EBF4: variants seen among roughly 807,000 people sequenced by gnomAD.
EBF4 encodes EBF transcription factor 4.
A neutral mutation model predicts 67.1 loss-of-function variants in EBF4; 34 were observed. That is an observed-to-expected ratio of 0.51 (90% CI 0.39 to 0.67). The LOEUF (loss-of-function observed/expected upper bound fraction) is 0.67. Ranked by LOEUF, EBF4 falls within the 30% of genes least tolerant of loss-of-function variation. The pLI, the probability that EBF4 is intolerant of heterozygous loss-of-function variation, is 0.00. For missense variants in EBF4, 837 were observed against 873.3 expected, an observed-to-expected ratio of 0.96 and a Z score of 0.52; for synonymous variants, 387 against 377.7, an observed-to-expected ratio of 1.02 and a Z score of -0.29.
intron 6 of EBF4, 42 bp downstream of exon 6, chr20:2,709,684 G>GT: frequency 6.7e-7 from 1 of 1,487,196 alleles, no homozygotes; most frequent in Non-Finnish European, 9.0e-7. Context: ...AGAGGAGAGT[G>GT]GGGGAGGGGC....
intron 6 of EBF4, among the ~76,000 whole-genome samples, chr20:2,731,008 C>T (rs937904813): frequency 6.6e-6 from 1 of 152,318 alleles, no homozygotes; most frequent in Admixed American, 6.5e-5. Flanking sequence ...AAGCAATTCT[C>T]CTGCCTCAGC....
chr20:2,706,506 A>C (rs2087461559), intron 4 of EBF4, among the ~76,000 whole-genome samples: 1 of 152,192 alleles, frequency 6.6e-6, no homozygotes, highest in African/African-American at 2.4e-5. Context: ...CTAGCAGCCC[A>C]GCCTTAGATG....
chr20:2,750,510 G>A (rs1332425731), intron 10 of EBF4, among the ~76,000 whole-genome samples: 1 of 151,988 alleles, frequency 6.6e-6, no homozygotes, highest in African/African-American at 2.4e-5. Flanking sequence ...CCCCCAGCCT[G>A]GCTCTATTTG....
At chr20:2,705,016 G>A (rs2087431009) in intron 1 of EBF4, among the ~76,000 whole-genome samples, 1 of 152,262 alleles carries the variant, frequency 6.6e-6, no homozygotes, top group South Asian at 2.1e-4. Context: ...CTTTGGGGGT[G>A]CTCCCTACCT....
intron 1 of EBF4, among the ~76,000 whole-genome samples, chr20:2,698,269 C>T (rs1204197638): frequency 6.6e-6 from 1 of 152,256 alleles, no homozygotes; most frequent in Non-Finnish European, 1.5e-5. Flanking sequence ...CCTCCCCAGA[C>T]CCAAACCTCA....
intron 15 of EBF4, among the ~76,000 whole-genome samples, chr20:2,758,154 G>A (rs1482537505): frequency 1.3e-5 from 2 of 152,184 alleles, no homozygotes. Flanking sequence ...ACCTTCCTCT[G>A]GGGACTGTCT....
chr20:2,730,786 T>C (rs1472342542), intron 6 of EBF4, among the ~76,000 whole-genome samples: 1 of 152,376 alleles, frequency 6.6e-6, no homozygotes, highest in East Asian at 1.9e-4. Context: ...GCAGCTCTGC[T>C]GGTAGAAAGC....
Position 2,758,903 on chromosome 20 carries a change from C to T in EBF4, c.1739-6C>T. On this transcript the variant is annotated splice_polypyrimidine_tract_variant and splice_region_variant and intron_variant, in intron 15 of 16. Coordinates refer to ENST00000609451, the Ensembl canonical transcript of EBF4. ...CTTATGGCTCCTTTTTCCTTGACTA[C>T]TGCAGACCAGTCTTTTGAGGATTCT... The T allele has an allele frequency of 6.4e-7, 1 of 1,551,748 alleles. No individual in the cohort carries two copies. Among genetic ancestry groups the T allele is most frequent in the Non-Finnish European group, 8.7e-7 (1 of 1,146,986 alleles).
rs1555788986 is a variant in EBF4 at position 2,747,318 on chromosome 20, A to AAAC, written c.558-1229_558-1228insCAA. Reference sequence around the variant, plus strand: ...TCTCAAAACAAAAAACAAAACAAACAAAAAAAAAAAAACAGGAAAAAAAAG... The same window carrying AAAC: ...TCTCAAAACAAAAAACAAAACAAACAAACAAAAAAAAAAAACAGGAAAAAAAAG... On this transcript the variant is annotated intron_variant, in intron 6 of 16. Transcript: ENST00000609451. The surrounding 1 kb of genome is among the most constrained non-coding windows in gnomAD (Gnocchi z 4.6). Among the ~76,000 whole-genome samples, 31 of 99,810 alleles carry AAAC rather than the reference A, an allele frequency of 3.1e-4. No homozygotes were observed. Among genetic ancestry groups the AAAC allele is most frequent in the African/African-American group, 1.3e-3 (29 of 21,964 alleles). The allele number at this position is 99,810 out of a possible 152,430, so 65.5% of individuals were successfully genotyped here.
chr20:2,717,146 A>AT (rs879881958), intron 6 of EBF4, among the ~76,000 whole-genome samples: 10 of 152,090 alleles, frequency 6.6e-5, no homozygotes, highest in African/African-American at 1.2e-4. Flanking sequence ...TAGTTTTATA[A>AT]TTTTTTCAAT....
chr20:2,706,070 C>A, intron 3 of EBF4, 33 bp downstream of exon 3: 1 of 1,548,846 alleles, frequency 6.5e-7, no homozygotes, highest in Non-Finnish European at 8.7e-7. Context: ...CCCAGCCCTG[C>A]CCCTGAAGTC....
At chr20:2,694,426 C>T (rs2087258966) in intron 1 of EBF4, among the ~76,000 whole-genome samples, 1 of 152,256 alleles carries the variant, frequency 6.6e-6, no homozygotes, top group African/African-American at 2.4e-5. Context: ...CCAGCACCCG[C>T]GCCGGTCTCC....
chr20:2,748,721 C>T, intron 7 of EBF4, 91 bp downstream of exon 7: 1 of 1,411,634 alleles, frequency 7.1e-7, no homozygotes, highest in Non-Finnish European at 9.7e-7. Context: ...ACCCTGCCAC[C>T]CTGGGAAAGG....
chr20:2,701,795 G>A (rs2087379469), intron 1 of EBF4, among the ~76,000 whole-genome samples: 1 of 152,226 alleles, frequency 6.6e-6, no homozygotes, highest in Admixed American at 6.5e-5. Flanking sequence ...ACCTGGGAGT[G>A]CTTCACAAAC....
intron 1 of EBF4, among the ~76,000 whole-genome samples, chr20:2,702,213 C>T (rs1600200546): frequency 1.3e-5 from 2 of 152,150 alleles, no homozygotes; most frequent in Non-Finnish European, 1.5e-5. Flanking sequence ...GCAGGAGGAT[C>T]GCTTGAGCCC....
intron 1 of EBF4, among the ~76,000 whole-genome samples, chr20:2,701,104 C>T (rs1328648252): frequency 1.3e-5 from 2 of 152,210 alleles, no homozygotes; most frequent in Non-Finnish European, 2.9e-5. Context: ...TGTTGTTGTC[C>T]ATGGCACGGA....
chr20:2,727,505 T>A (rs191175419), intron 6 of EBF4, among the ~76,000 whole-genome samples: 3 of 152,358 alleles, frequency 2.0e-5, no homozygotes, highest in African/African-American at 4.8e-5. Context: ...CTGTATTTTT[T>A]AATCTGCATT....
chr20:2,710,337 A>C (rs535487771), intron 6 of EBF4, among the ~76,000 whole-genome samples: 1 of 151,868 alleles, frequency 6.6e-6, no homozygotes. Flanking sequence ...TTTTGTAGAG[A>C]CCGGGTTTTG....
chr20:2,733,875 A>T (rs984182210), intron 6 of EBF4, among the ~76,000 whole-genome samples: 1 of 151,974 alleles, frequency 6.6e-6, no homozygotes, highest in Non-Finnish European at 1.5e-5. Context: ...TTGCAGGCTA[A>T]TTCAAAGCCA....
Sources: allele counts gnomAD v4.1 joint callset (sites outside exome capture counted in the v4.1 genomes callset), GRCh38; gene constraint gnomAD v4.1.1; non-coding constraint Gnocchi (gnomAD v3.1); transcripts MANE v1.5; gene names NCBI Gene and HGNC (gene_info 2026-07-23, HGNC 2026-07-21).